Variants in B3GALT1 observed in about 807,000 individuals in gnomAD.
B3GALT1 encodes the protein UDP-Gal:betaGlcNAc beta 1,3-galactosyltransferase, polypeptide 1.
In B3GALT1, 10 loss-of-function variants were observed where a neutral mutation model predicts 23.2. That is an observed-to-expected ratio of 0.43 (90% CI 0.27 to 0.73). B3GALT1 has a LOEUF of 0.73. B3GALT1 is among the 30% of genes least tolerant of loss of function. The probability of loss-of-function intolerance (pLI) is 0.21; values close to 1 mark genes in which losing one functional copy is unlikely to be tolerated. For synonymous variants in B3GALT1, 156 were observed against 141.5 expected, an observed-to-expected ratio of 1.10 and a Z score of -0.73; for missense variants, 299 against 405.4, an observed-to-expected ratio of 0.74 and a Z score of 2.25.
chr2:167,796,906 G>T (rs1688554495), intron 3 of B3GALT1, among the ~76,000 whole-genome samples: 1 of 152,170 alleles, frequency 6.6e-6, no homozygotes, highest in Non-Finnish European at 1.5e-5. Flanking sequence ...TTTTTCTCCA[G>T]TGAGGCTAGG....
intron 1 of B3GALT1, among the ~76,000 whole-genome samples, chr2:167,328,824 TA>T (rs1696932073): frequency 1.3e-5 from 2 of 152,188 alleles, no homozygotes; most frequent in African/African-American, 2.4e-5. Flanking sequence ...TTTTTTATTT[TA>T]TTTTTTTTAA....
rs1687105346 is a variant in B3GALT1, at chr2:167,714,092, A to C, written c.-352+67126A>C. The C allele has an allele frequency of 2.0e-6, 3 of 1,532,888 alleles. No homozygotes were observed. The Admixed American group carries it at 5.0e-5, about 26-fold the overall frequency. 95.0% of individuals were successfully genotyped at this position (1,532,888 alleles called of 1,614,324 possible). ...TTTGGCATCATTTCTAGTGGATTCC[A>C]TTTCTGAAGGCATTGACCCATCCAT... On this transcript the variant is annotated intron_variant, in intron 3 of 4. Transcript: ENST00000392690.
At chr2:167,497,368 G>C (rs1223013428) in intron 2 of B3GALT1, among the ~76,000 whole-genome samples, 1 of 152,080 alleles carries the variant, frequency 6.6e-6, no homozygotes, top group African/African-American at 2.4e-5. Context: ...CCAGACAGAA[G>C]GAAAAGGAAG....
intron 1 of B3GALT1, among the ~76,000 whole-genome samples, chr2:167,454,757 G>C (rs1479752958): frequency 6.6e-6 from 1 of 152,144 alleles, no homozygotes; most frequent in East Asian, 1.9e-4. Flanking sequence ...TCTGAGGTGA[G>C]ATGGCAGTTT....
chr2:167,777,680 A>G (rs1490212798), intron 3 of B3GALT1, among the ~76,000 whole-genome samples: 1 of 152,196 alleles, frequency 6.6e-6, no homozygotes, highest in Non-Finnish European at 1.5e-5. Context: ...CATTCTTGCA[A>G]AGGAGTACAT....
chr2:167,714,068 T>C (rs1218389105), intron 3 of B3GALT1: 3 of 1,535,378 alleles, frequency 2.0e-6, no homozygotes, highest in Non-Finnish European at 2.7e-6. Flanking sequence ...AGGATCATCT[T>C]TGGCATCATT....
chr2:167,631,798 C>CT (rs1685452738), intron 2 of B3GALT1, among the ~76,000 whole-genome samples: 1 of 113,440 alleles, frequency 8.8e-6, no homozygotes, highest in South Asian at 2.9e-4. Flanking sequence ...TACTTAATCT[C>CT]TTTTTTTATT....
In B3GALT1 at chr2:167,809,163, G is replaced by T. The variant is rs923260518; in HGVS notation, c.-351-9509G>T. Among the ~76,000 whole-genome samples, 44 of 152,264 alleles carry T rather than the reference G, an allele frequency of 2.9e-4. 1 individual carries two copies. The highest frequency in any genetic ancestry group is 1.0e-3 in the African/African-American group (42 of 41,550). Reference sequence around the variant, plus strand: ...GTCCTTTAAGGACTTCTCTGCATTGGTTATTCTAGTTAGCCATTCGTCTAA... The same window carrying T: ...GTCCTTTAAGGACTTCTCTGCATTGTTTATTCTAGTTAGCCATTCGTCTAA... On this transcript the variant is annotated intron_variant, in intron 3 of 4. Coordinates refer to ENST00000392690, the MANE Select transcript of B3GALT1 (RefSeq NM_020981.4).
intron 2 of B3GALT1, among the ~76,000 whole-genome samples, chr2:167,508,014 C>A (rs1352123970): frequency 6.6e-6 from 1 of 152,020 alleles, no homozygotes; most frequent in African/African-American, 2.4e-5. Flanking sequence ...CTCTTTGTGT[C>A]CTCATGTGAC....
chr2:167,743,457 T>C (rs1247423067), intron 3 of B3GALT1, among the ~76,000 whole-genome samples: 1 of 152,124 alleles, frequency 6.6e-6, no homozygotes, highest in Non-Finnish European at 1.5e-5. Flanking sequence ...AATTTCTATA[T>C]CTCCAATTAC....
chr2:167,593,017 CTG>C (rs1684710861), intron 2 of B3GALT1, among the ~76,000 whole-genome samples: 2 of 152,142 alleles, frequency 1.3e-5, no homozygotes, highest in Non-Finnish European at 1.5e-5. Context: ...TATAGGAAGA[CTG>C]TGAACAAGAT....
rs565395436 is a variant in B3GALT1, at chr2:167,397,378, A to G, written c.-510-92799A>G. 1.2e-3 allele frequency among the ~76,000 whole-genome samples: 183 copies of G among 151,874 alleles called. 2 individuals carry two copies. The highest frequency in any genetic ancestry group is 1.2e-3 in the Non-Finnish European group (84 of 67,960). Reference sequence around the variant, plus strand: ...GCTGAGCCCATTTTTCCTGAGGCAAATATGAGGAAAACTATTTTTAAATAA... The same window carrying G: ...GCTGAGCCCATTTTTCCTGAGGCAAGTATGAGGAAAACTATTTTTAAATAA... On this transcript the variant is annotated intron_variant, in intron 1 of 4. Transcript: ENST00000392690.
At chr2:167,680,417 G>A (rs137989747) in intron 3 of B3GALT1, among the ~76,000 whole-genome samples, 1 of 129,080 alleles carries the variant, frequency 7.7e-6, no homozygotes, top group African/African-American at 2.7e-5. Context: ...GAGAGAGAGA[G>A]AGAGAGAGAA....
intron 1 of B3GALT1, among the ~76,000 whole-genome samples, chr2:167,318,732 C>T (rs747989340): frequency 6.6e-6 from 1 of 152,076 alleles, no homozygotes; most frequent in African/African-American, 2.4e-5. Flanking sequence ...TCTTTAACAT[C>T]CTGGATTCCC....
rs1273269715 is a variant in B3GALT1, at chr2:167,869,411, T to C, written c.372T>C (p.Pro124=). 1.2e-6 allele frequency: 2 copies of C among 1,614,140 alleles called. No homozygotes were observed. Among genetic ancestry groups the C allele is most frequent in the Non-Finnish European group, 1.7e-6 (2 of 1,180,032 alleles). The part of the protein sequence containing the change: ...TLFLLGKNAD[P]VLNQMVEQES... ...TCCTCCTGGGCAAGAATGCTGATCCTGTTCTCAATCAGATGGTGGAGCAAG... is the reference window on the plus strand; with the variant it reads ...TCCTCCTGGGCAAGAATGCTGATCCCGTTCTCAATCAGATGGTGGAGCAAG... The change falls in exon 5 of 5, where the codon CCT becomes CCC. Residue 124 remains proline (P), a synonymous_variant. Transcript: ENST00000392690. The surrounding 1 kb of genome is among the most constrained non-coding windows in gnomAD (Gnocchi z 6.4).
intron 2 of B3GALT1, among the ~76,000 whole-genome samples, chr2:167,596,119 C>A (rs957367941): frequency 6.6e-6 from 1 of 152,128 alleles, no homozygotes; most frequent in African/African-American, 2.4e-5. Flanking sequence ...CCTAGAAGAG[C>A]GTAGATATTT....
At chr2:167,786,595 G>A (rs1688348661) in intron 3 of B3GALT1, among the ~76,000 whole-genome samples, 1 of 152,166 alleles carries the variant, frequency 6.6e-6, no homozygotes, top group Non-Finnish European at 1.5e-5. Context: ...ATAACCCACT[G>A]TATCTTTATT....
chr2:167,666,684 G>C (rs1686196758), intron 3 of B3GALT1, among the ~76,000 whole-genome samples: 1 of 152,124 alleles, frequency 6.6e-6, no homozygotes, highest in Admixed American at 6.5e-5. Flanking sequence ...TTGTGGAATT[G>C]ATCCCTTTAC....
At chr2:167,526,471 C>G (rs1683222244) in intron 2 of B3GALT1, among the ~76,000 whole-genome samples, 1 of 152,126 alleles carries the variant, frequency 6.6e-6, no homozygotes, top group African/African-American at 2.4e-5. Flanking sequence ...TTATCAACCC[C>G]TGTATGAGGC....
Sources: allele counts gnomAD v4.1 joint callset (sites outside exome capture counted in the v4.1 genomes callset), GRCh38; gene constraint gnomAD v4.1.1; non-coding constraint Gnocchi (gnomAD v3.1); transcripts MANE v1.5; gene names NCBI Gene and HGNC (gene_info 2026-07-23, HGNC 2026-07-21).